TRIM26: variants seen among roughly 807,000 people sequenced by gnomAD.
TRIM26 encodes the protein tripartite motif-containing protein 26.
A neutral mutation model predicts 45.5 loss-of-function variants in TRIM26; 16 were observed. The observed-to-expected ratio is 0.35, with a 90% confidence interval of 0.24 to 0.53. The LOEUF (loss-of-function observed/expected upper bound fraction) is 0.53. Ranked by LOEUF, TRIM26 falls within the 20% of genes least tolerant of loss-of-function variation. The probability of loss-of-function intolerance (pLI) is 0.92; values close to 1 mark genes in which losing one functional copy is unlikely to be tolerated. For synonymous variants in TRIM26, 273 were observed against 290.4 expected (o/e 0.94, Z 0.61); for missense variants, 442 against 691.1 (o/e 0.64, Z 4.04).
rs1462585165 is a variant in TRIM26, at chr6:30,196,874, T to C, written c.535-128A>G. 5.9e-6 allele frequency: 5 copies of C among 851,938 alleles called. No individual in the cohort carries two copies. The highest frequency in any genetic ancestry group is 2.4e-5 in the Admixed American group (1 of 41,290). The allele number at this position is 851,938 out of a possible 1,614,324, so 52.8% of individuals were successfully genotyped here. On this transcript the variant is annotated intron_variant, in intron 5 of 9. Coordinates refer to ENST00000454678, the MANE Select transcript of TRIM26 (RefSeq NM_003449.5). This position sits in a 1 kb window ranked among gnomAD's most constrained non-coding sequence, Gnocchi z 4.9. ...TTCAGGAATTCTACAGGATCTGGAG[T>C]GGGAGGAGCTACAGAGGGTTCCTGG...
chr6:30,192,834 G>C (rs1017923345), intron 6 of TRIM26, among the ~76,000 whole-genome samples: 1 of 151,926 alleles, frequency 6.6e-6, no homozygotes, highest in South Asian at 2.1e-4. Context: ...TAAGCACACA[G>C]ACAAAATCTA....
rs1777878210 is a variant in TRIM26, at chr6:30,207,881, A to ACCT, written c.-375-3119_-375-3117dup. ...TAGCTTGAAGTCTCAGCTGAAAGCC[A>ACCT]CCTCCTCTGGCAATTCTTTCCTGAC... On this transcript the variant is annotated intron_variant, in intron 1 of 9. Coordinates refer to ENST00000454678, the MANE Select transcript of TRIM26 (RefSeq NM_003449.5). This position sits in a 1 kb window ranked among gnomAD's most constrained non-coding sequence, Gnocchi z 4.9. 6.6e-6 allele frequency among the ~76,000 whole-genome samples: 1 copy of ACCT among 152,042 alleles called. No homozygotes were observed. The highest frequency in any genetic ancestry group is 1.5e-5 in the Non-Finnish European group (1 of 68,008).
At chr6:30,208,904 A>ATCTGTG (rs71550189) in intron 1 of TRIM26, among the ~76,000 whole-genome samples, 16,629 of 140,730 alleles carry the variant, frequency 0.12, 1,257 homozygotes, top group Non-Finnish European at 0.16. Flanking sequence ...GATATAGAAT[A>ATCTGTG]TGTGTGTGTG....
chr6:30,210,607 G>A (rs1365272791), intron 1 of TRIM26, among the ~76,000 whole-genome samples: 1 of 152,110 alleles, frequency 6.6e-6, no homozygotes, highest in Non-Finnish European at 1.5e-5. Context: ...CAATCCTCAG[G>A]AGATGCATTC....
intron 1 of TRIM26, among the ~76,000 whole-genome samples, chr6:30,211,605 T>C (rs1266680119): frequency 1.3e-5 from 2 of 152,130 alleles, no homozygotes; most frequent in Non-Finnish European, 2.9e-5. Context: ...AAGGGGAAAA[T>C]ATTTTGCCAA....
intron 1 of TRIM26, among the ~76,000 whole-genome samples, chr6:30,212,932 AAAAG>A (rs1562245030): frequency 6.7e-6 from 1 of 149,644 alleles, no homozygotes; most frequent in Non-Finnish European, 1.5e-5. Flanking sequence ...AAAAAAAAAA[AAAAG>A]AAAGAGAAAG....
Position 30,186,884 on chromosome 6 carries a change from A to G in TRIM26, c.938-326T>C. On this transcript the variant is annotated intron_variant, in intron 9 of 9. Transcript: ENST00000454678. This position sits in a 1 kb window ranked among gnomAD's most constrained non-coding sequence, Gnocchi z 7.4. ...TCTCTGGGTCCAACTCATCATTAAT[A>G]TCATCCAAGTGTGGATCACCAGTCC... 1 of 738,092 alleles carries G rather than the reference A, an allele frequency of 1.4e-6. No individual in the cohort carries two copies. The highest frequency in any genetic ancestry group is 2.7e-5 in the East Asian group (1 of 36,430). 45.7% of individuals were successfully genotyped at this position (738,092 alleles called of 1,614,324 possible).
intron 6 of TRIM26, among the ~76,000 whole-genome samples, chr6:30,193,158 G>GTATATATATATATATATA (rs1359857328): frequency 6.4e-5 from 2 of 31,110 alleles, no homozygotes; most frequent in Admixed American, 9.4e-4. Context: ...GTGTGTGTGT[G>GTATATATATATATATATA]TGTGTATATA....
In TRIM26 at chr6:30,186,462, T is replaced by C; in HGVS notation, c.1034A>G (p.Tyr345Cys). The change falls in exon 10 of 10, where the codon TAC becomes TGC. Residue 345 changes from tyrosine to cysteine, a missense_variant. Physicochemically the swap from Tyr to Cys is radical, Grantham distance 194 (BLOSUM62 -2). Coordinates refer to ENST00000454678, the MANE Select transcript of TRIM26 (RefSeq NM_003449.5). The surrounding 1 kb of genome is among the most constrained non-coding windows in gnomAD (Gnocchi z 7.4). ...ACAGTCAAACTGCTGGGGGTGCAGG[T>C]AGGCACTCTTGTACAGGCTGGTGTA... Reference protein sequence around the residue: ...VTYTSLYKSAYLHPQQFDCEP... With the variant: ...VTYTSLYKSACLHPQQFDCEP... 5 of 1,590,624 alleles carry C rather than the reference T, an allele frequency of 3.1e-6. No homozygotes were observed. In the Admixed American group the frequency reaches 6.8e-5, roughly 22 times the overall value.
At chr6:30,192,282 G>C (rs549080510) in intron 6 of TRIM26, among the ~76,000 whole-genome samples, 1 of 152,326 alleles carries the variant, frequency 6.6e-6, no homozygotes, top group East Asian at 1.9e-4. Context: ...TACTAAGAGA[G>C]AGCATCAAGA....
chr6:30,210,667 T>C (rs1030011640), intron 1 of TRIM26, among the ~76,000 whole-genome samples: 2 of 152,044 alleles, frequency 1.3e-5, no homozygotes, highest in Admixed American at 1.3e-4. Context: ...ACATACACAC[T>C]TGTAATAAAG....
chr6:30,189,530 A>G lies in TRIM26; in HGVS notation c.792T>C (p.Tyr264=). The G allele has an allele frequency of 6.2e-7, 1 of 1,611,874 alleles. No homozygotes were observed. The highest frequency in any genetic ancestry group is 8.5e-7 in the Non-Finnish European group (1 of 1,178,992). Residue 264 remains tyrosine, a synonymous_variant, in exon 8 of 10, where the codon TAT becomes TAC. Transcript: ENST00000454678. The surrounding 1 kb of genome is among the most constrained non-coding windows in gnomAD (Gnocchi z 5.0). ...TCCCAACCCAGAACTTCTTCCGTGGATACCTAAGAAGATGACATACATAAC... is the reference window on the plus strand; with the variant it reads ...TCCCAACCCAGAACTTCTTCCGTGGGTACCTAAGAAGATGACATACATAAC... ...MQDTRDFLNR[Y]PRKKFWVGKP...
At position 30,207,897 on chromosome 6, in the gene TRIM26, C is replaced by A. The variant is rs1395966019; in HGVS notation, c.-375-3132G>T. On this transcript the variant is annotated intron_variant, in intron 1 of 9. Transcript: ENST00000454678. This position sits in a 1 kb window ranked among gnomAD's most constrained non-coding sequence, Gnocchi z 4.9. Reference sequence around the variant, plus strand: ...CTGAAAGCCACCTCCTCTGGCAATTCTTTCCTGACCTGTCAGATTGGGTCC... The same window carrying A: ...CTGAAAGCCACCTCCTCTGGCAATTATTTCCTGACCTGTCAGATTGGGTCC... 6.6e-6 allele frequency among the ~76,000 whole-genome samples: 1 copy of A among 152,212 alleles called. No homozygotes were observed. Among genetic ancestry groups the A allele is most frequent in the Non-Finnish European group, 1.5e-5 (1 of 68,034 alleles).
In TRIM26 at chr6:30,187,942, G is replaced by A. The variant is rs1476880353; in HGVS notation, c.937+1225C>T. 3.9e-4 allele frequency among the ~76,000 whole-genome samples: 53 copies of A among 135,352 alleles called. 2 individuals are homozygous for A. Among genetic ancestry groups the A allele is most frequent in the East Asian group, 2.6e-3 (12 of 4,606 alleles). The allele number at this position is 135,352 out of a possible 152,430, so 88.8% of individuals were successfully genotyped here. On this transcript the variant is annotated intron_variant, in intron 9 of 9. Transcript: ENST00000454678. ...CAAAAAAAAAAAAAAAAAAAAGGCC[G>A]GGCGCGGTGGCTCACGCCTGTAATC...
At chr6:30,187,190 C>T in intron 9 of TRIM26, 1 of 276,950 alleles carries the variant, frequency 3.6e-6, no homozygotes, top group Non-Finnish European at 7.3e-6. Flanking sequence ...CATGTCTCTG[C>T]CACAGCTTGC....
intron 2 of TRIM26, among the ~76,000 whole-genome samples, chr6:30,202,502 C>T (rs1379441732): frequency 6.6e-6 from 1 of 152,196 alleles, no homozygotes; most frequent in Non-Finnish European, 1.5e-5. Flanking sequence ...GACATACCTT[C>T]ATAAGGAAGA....
intron 1 of TRIM26, among the ~76,000 whole-genome samples, chr6:30,205,694 T>C (rs1226279951): frequency 6.6e-6 from 1 of 152,156 alleles, no homozygotes; most frequent in East Asian, 1.9e-4. Context: ...TTAGCTGAAT[T>C]AGCTGGGTGC....
chr6:30,212,105 G>A (rs955661757), intron 1 of TRIM26, among the ~76,000 whole-genome samples: 13 of 152,178 alleles, frequency 8.5e-5, no homozygotes, highest in Admixed American at 3.3e-4. Context: ...CCCTTGATAC[G>A]ATGGGATGAT....
At position 30,207,145 on chromosome 6, in the gene TRIM26, A is replaced by C. The variant is rs548150273; in HGVS notation, c.-375-2380T>G. On this transcript the variant is annotated intron_variant, in intron 1 of 9. Coordinates refer to ENST00000454678, the MANE Select transcript of TRIM26 (RefSeq NM_003449.5). This position sits in a 1 kb window ranked among gnomAD's most constrained non-coding sequence, Gnocchi z 4.9. The stretch of plus-strand genomic sequence containing the variant: ...GGAGTGCAGTGAGGCGAGCAGAGGA[A>C]GGGTGGAGAAACAGGAGGGAACAGA... 3.9e-5 allele frequency among the ~76,000 whole-genome samples: 6 copies of C among 152,332 alleles called. No individual in the cohort carries two copies. In the South Asian group the frequency reaches 1.0e-3, roughly 26 times the overall value.
Sources: allele counts gnomAD v4.1 joint callset (sites outside exome capture counted in the v4.1 genomes callset), GRCh38; gene constraint gnomAD v4.1.1; non-coding constraint Gnocchi (gnomAD v3.1); transcripts MANE v1.5; gene names NCBI Gene and HGNC (gene_info 2026-07-23, HGNC 2026-07-21).